Variants in SLC25A12 observed in about 807,000 individuals in gnomAD.
SLC25A12 encodes electrogenic aspartate/glutamate antiporter SLC25A12, mitochondrial.
A neutral mutation model predicts 83.3 loss-of-function variants in SLC25A12; 32 were observed. That is an observed-to-expected ratio of 0.38 (90% CI 0.29 to 0.52). The LOEUF is 0.52. SLC25A12 is among the 20% of genes least tolerant of loss of function. The probability of loss-of-function intolerance (pLI) is 0.84; values close to 1 mark genes in which losing one functional copy is unlikely to be tolerated. For synonymous variants in SLC25A12, 267 were observed against 291.1 expected, an observed-to-expected ratio of 0.92 and a Z score of 0.84; for missense variants, 611 against 835.6, an observed-to-expected ratio of 0.73 and a Z score of 3.31.
At chr2:171,792,403 T>C (rs1458180985) in intron 14 of SLC25A12, among the ~76,000 whole-genome samples, 2 of 151,698 alleles carry the variant, frequency 1.3e-5, no homozygotes, top group Admixed American at 1.3e-4. Context: ...TCCTCCCACC[T>C]CAGCCTCCTG....
intron 2 of SLC25A12, among the ~76,000 whole-genome samples, chr2:171,880,371 C>T (rs1685665320): frequency 6.6e-6 from 1 of 152,182 alleles, no homozygotes; most frequent in South Asian, 2.1e-4. Flanking sequence ...CAACCTCCAC[C>T]TCCCAGGTTC....
chr2:171,875,175 C>A (rs145770325), intron 2 of SLC25A12, among the ~76,000 whole-genome samples: 1 of 152,120 alleles, frequency 6.6e-6, no homozygotes, highest in Non-Finnish European at 1.5e-5. Context: ...AGACCAATTG[C>A]GGGCCACCAC....
chr2:171,857,255 C>T (rs1685065149), intron 3 of SLC25A12, among the ~76,000 whole-genome samples: 1 of 152,106 alleles, frequency 6.6e-6, no homozygotes, highest in Non-Finnish European at 1.5e-5. Flanking sequence ...CCTGTAATCC[C>T]AACAACTCAG....
At chr2:171,871,191 G>C (rs1292262854) in intron 2 of SLC25A12, among the ~76,000 whole-genome samples, 1 of 152,082 alleles carries the variant, frequency 6.6e-6, no homozygotes, top group Non-Finnish European at 1.5e-5. Flanking sequence ...GACAGAGCAA[G>C]ACCCTGTCCA....
intron 2 of SLC25A12, among the ~76,000 whole-genome samples, chr2:171,875,039 TACA>T (rs1273495477): frequency 6.6e-6 from 1 of 152,168 alleles, no homozygotes; most frequent in Non-Finnish European, 1.5e-5. Flanking sequence ...TGCATAGAAA[TACA>T]ACGTTGTAAC....
chr2:171,843,100 C>T (rs943865324), intron 5 of SLC25A12, among the ~76,000 whole-genome samples: 2 of 152,004 alleles, frequency 1.3e-5, no homozygotes, highest in East Asian at 1.9e-4. Flanking sequence ...GGATTACAGG[C>T]GTGAGCTACC....
At chr2:171,883,545 T>C (rs930147929) in intron 2 of SLC25A12, among the ~76,000 whole-genome samples, 30 of 152,356 alleles carry the variant, frequency 2.0e-4, no homozygotes, top group African/African-American at 7.2e-4. Flanking sequence ...GGCTCACGCC[T>C]GTAATCCCAG....
At chr2:171,796,757 CA>C (rs1167763772) in intron 13 of SLC25A12, among the ~76,000 whole-genome samples, 1 of 152,082 alleles carries the variant, frequency 6.6e-6, no homozygotes, top group Admixed American at 6.6e-5. Flanking sequence ...ATAAAGACTG[CA>C]AAAACCGCAG....
intron 9 of SLC25A12, among the ~76,000 whole-genome samples, chr2:171,819,456 TTA>T (rs72309128): frequency 1.6e-5 from 2 of 126,222 alleles, no homozygotes; most frequent in South Asian, 2.2e-4. Flanking sequence ...ATAATACTTA[TTA>T]TATATTATAT....
At chr2:171,877,869 C>G (rs1685607475) in intron 2 of SLC25A12, among the ~76,000 whole-genome samples, 1 of 151,958 alleles carries the variant, frequency 6.6e-6, no homozygotes, top group Non-Finnish European at 1.5e-5. Flanking sequence ...ATAAACAGAT[C>G]CTTTGATGTT....
chr2:171,864,701 C>G (rs1362400821), intron 3 of SLC25A12, among the ~76,000 whole-genome samples: 1 of 152,190 alleles, frequency 6.6e-6, no homozygotes, highest in East Asian at 1.9e-4. Context: ...AGCTTGTACT[C>G]ATCCTGCCAG....
rs140349157 is a variant in SLC25A12 at position 171,857,333 on chromosome 2, C to T, written c.210-1384G>A. The stretch of plus-strand genomic sequence containing the variant: ...CTGTAATAAGCCATGATCATGCTAC[C>T]GCACTCCAGCCTGGGCGACAGACCA... On this transcript the variant is annotated intron_variant, in intron 3 of 17. Coordinates refer to ENST00000422440, the MANE Select transcript of SLC25A12 (RefSeq NM_003705.5). Among the ~76,000 whole-genome samples, 434 of 152,006 alleles carry T rather than the reference C, an allele frequency of 2.9e-3. 6 individuals are homozygous for T. The highest frequency in any genetic ancestry group is 0.017 in the Middle Eastern group (5 of 292).
At chr2:171,812,860 T>A (rs564821335) in intron 11 of SLC25A12, among the ~76,000 whole-genome samples, 2 of 151,474 alleles carry the variant, frequency 1.3e-5, no homozygotes, top group African/African-American at 4.8e-5. Flanking sequence ...AAATGGTCCC[T>A]GAAAGAGACA....
chr2:171,859,995 C>T (rs981732076), intron 3 of SLC25A12, among the ~76,000 whole-genome samples: 1 of 152,058 alleles, frequency 6.6e-6, no homozygotes, highest in Admixed American at 6.6e-5. Context: ...TTTTGAACTC[C>T]TAACCTCAGG....
At chr2:171,884,630 C>T (rs1167830604) in intron 2 of SLC25A12, among the ~76,000 whole-genome samples, 1 of 151,708 alleles carries the variant, frequency 6.6e-6, no homozygotes, top group African/African-American at 2.4e-5. Flanking sequence ...AAAAATTTAG[C>T]CAGGTGTGGT....
At chr2:171,866,224 G>T (rs1471130719) in intron 3 of SLC25A12, among the ~76,000 whole-genome samples, 3 of 143,658 alleles carry the variant, frequency 2.1e-5, no homozygotes, top group African/African-American at 7.8e-5. Flanking sequence ...AGTCTCCCAT[G>T]TCTACCTCTT....
At chr2:171,828,206 C>T (rs970352291) in intron 8 of SLC25A12, among the ~76,000 whole-genome samples, 4 of 152,210 alleles carry the variant, frequency 2.6e-5, no homozygotes, top group Non-Finnish European at 5.9e-5. Flanking sequence ...CTGGTGTTAC[C>T]TGAAGGCCAA....
At chr2:171,820,590 C>T (rs28379476) in intron 9 of SLC25A12, among the ~76,000 whole-genome samples, 92,492 of 120,374 alleles carry the variant, frequency 0.77, 37,984 homozygotes, top group East Asian at 0.9. Context: ...TAGCCGGGCG[C>T]AGTGGCGGGC....
Position 171,793,714 on chromosome 2 carries a change from A to T in SLC25A12, c.1359T>A (p.Arg453=), listed in dbSNP as rs1683536391. ...FTNPLEIVKI[R]LQVAGEITTG... ...TGGTGATCTCTCCAGCTACTTGCAG[A>T]CGAATCTTCACTATCTCCAATGGGT... is the stretch of plus-strand genomic sequence containing the variant. Residue 453 remains arginine, a synonymous_variant, in exon 14 of 18, where the codon CGT becomes CGA. Coordinates refer to ENST00000422440, the MANE Select transcript of SLC25A12 (RefSeq NM_003705.5). 6.2e-7 allele frequency: 1 copy of T among 1,614,068 alleles called. No individual in the cohort carries two copies.
Sources: allele counts gnomAD v4.1 joint callset (sites outside exome capture counted in the v4.1 genomes callset), GRCh38; gene constraint gnomAD v4.1.1; transcripts MANE v1.5; gene names NCBI Gene and HGNC (gene_info 2026-07-23, HGNC 2026-07-21).